Variants in GATA4 observed in about 807,000 individuals in gnomAD.
GATA4 encodes the protein GATA binding protein 4.
Under a neutral mutation model 37.9 loss-of-function variants are expected in GATA4, and 7 were observed. The ratio of observed to expected loss-of-function variants is 0.18; its 90% CI spans 0.11 to 0.35. The LOEUF (loss-of-function observed/expected upper bound fraction) is 0.35, where lower values mean the gene tolerates loss of function less well. Among genes scored for constraint, GATA4 ranks in the 10% least tolerant of loss-of-function variants. The probability of loss-of-function intolerance (pLI) is 1.00; values close to 1 mark genes in which losing one functional copy is unlikely to be tolerated. For missense variants in GATA4, 647 were observed against 653.0 expected (o/e 0.99, Z 0.10); for synonymous variants, 372 against 292.6 (o/e 1.27, Z -2.77).
rs1347150716 is a variant in GATA4, at chr8:11,756,121, TTGAC to T, written c.1001-811_1001-808del. Reference sequence around the variant, plus strand: ...TCAGTACTGCTACCCAGTTAAAGATTTGACTGGTCGGTGCTGCAGTCACAGAGAA... The same window carrying T: ...TCAGTACTGCTACCCAGTTAAAGATTTGGTCGGTGCTGCAGTCACAGAGAA... On this transcript the variant is annotated intron_variant, in intron 5 of 6. Coordinates refer to ENST00000532059, the MANE Select transcript of GATA4 (RefSeq NM_001308093.3). 3.3e-5 allele frequency among the ~76,000 whole-genome samples: 5 copies of T among 152,162 alleles called. No individual in the cohort carries two copies. In the East Asian group the frequency reaches 9.6e-4, roughly 29 times the overall value.
intron 2 of GATA4, among the ~76,000 whole-genome samples, chr8:11,738,931 T>A (rs988958896): frequency 6.6e-6 from 1 of 152,192 alleles, no homozygotes; most frequent in Non-Finnish European, 1.5e-5. Flanking sequence ...GCTCTTCATG[T>A]ACATTCTACC....
rs532538661 is a variant in GATA4, at chr8:11,727,509, A to G, written c.616+18581A>G. On this transcript the variant is annotated intron_variant, in intron 2 of 6. Coordinates refer to ENST00000532059, the MANE Select transcript of GATA4 (RefSeq NM_001308093.3). ...TTGATAAGGAGAGGCACTAGAGTCT[A>G]GTAAGTGGTTAAAGAAGCTGGAGTC... Among the ~76,000 whole-genome samples the G allele has an allele frequency of 2.0e-5, 3 of 152,302 alleles. No individual in the cohort carries two copies. In the East Asian group the frequency reaches 5.8e-4, roughly 29 times the overall value.
intron 1 of GATA4, chr8:11,697,784 G>C: frequency 1.0e-6 from 1 of 985,448 alleles, no homozygotes; most frequent in Non-Finnish European, 1.2e-6. Flanking sequence ...TCCAACTCCG[G>C]GTCACCTCGG....
chr8:11,748,493 AATTTTCCTAAGGTAAATATTTATT>A (rs1478417626), intron 2 of GATA4, among the ~76,000 whole-genome samples: 1 of 152,218 alleles, frequency 6.6e-6, no homozygotes, highest in African/African-American at 2.4e-5. Context: ...TTTTGGCACT[AATTTTCCTAAGGTAAATATTTATT>A]ATATCTTTAT....
intron 1 of GATA4, among the ~76,000 whole-genome samples, chr8:11,704,531 G>C (rs1799804255): frequency 6.6e-6 from 1 of 152,246 alleles, no homozygotes; most frequent in African/African-American, 2.4e-5. Context: ...AATATTGGAA[G>C]CGCCTTTGGA....
In GATA4 at chr8:11,749,078, G is replaced by A. The variant is rs1188422407; in HGVS notation, c.779G>A (p.Arg260His). Residue 260 changes from arginine to histidine, a missense_variant, in exon 3 of 7, where the codon CGC (arginine) becomes CAC (histidine). Physicochemically the swap from Arg to His is conservative, Grantham distance 29. Coordinates refer to ENST00000532059, the MANE Select transcript of GATA4 (RefSeq NM_001308093.3). The surrounding 1 kb of genome is among the most constrained non-coding windows in gnomAD (Gnocchi z 4.6). Reference sequence around the variant, plus strand: ...AACCGGCCGCTCATCAAGCCTCAGCGCCGGCTGGTAAGCACGTGCCTCGCA... The same window carrying A: ...AACCGGCCGCTCATCAAGCCTCAGCACCGGCTGGTAAGCACGTGCCTCGCA... ...GINRPLIKPQRRLSASRRVGL... is the reference protein window; with the variant it reads ...GINRPLIKPQHRLSASRRVGL... The A allele has an allele frequency of 4.3e-6, 7 of 1,614,126 alleles. No homozygotes were observed. The highest frequency in any genetic ancestry group is 1.1e-5 in the South Asian group (1 of 91,084).
chr8:11,758,171 C>G (rs746393535), intron 6 of GATA4, 122 bp from the exon 7 acceptor site: 4 of 920,724 alleles, frequency 4.3e-6, no homozygotes, highest in Non-Finnish European at 7.1e-6. Context: ...CTCCTTGGTC[C>G]CTTCCTGAGG....
chr8:11,711,084 G>A (rs942698180), intron 2 of GATA4, among the ~76,000 whole-genome samples: 7 of 152,198 alleles, frequency 4.6e-5, no homozygotes, highest in Non-Finnish European at 1.0e-4. Context: ...CAGGCCTGGC[G>A]ACAGAGGGAG....
upstream of GATA4, among the ~76,000 whole-genome samples, chr8:11,703,115 C>A (rs1799741125): frequency 6.6e-6 from 1 of 152,122 alleles, no homozygotes; most frequent in Non-Finnish European, 1.5e-5. Flanking sequence ...GTTATCCCGA[C>A]CCCTTCCCCC....
upstream of GATA4, among the ~76,000 whole-genome samples, chr8:11,688,164 G>A (rs1241396283): frequency 6.6e-6 from 1 of 152,102 alleles, no homozygotes; most frequent in Non-Finnish European, 1.5e-5. Flanking sequence ...GAAGCAAATA[G>A]CAGTTCAAGA....
chr8:11,730,058 T>C (rs1287938741), intron 2 of GATA4, among the ~76,000 whole-genome samples: 1 of 152,136 alleles, frequency 6.6e-6, no homozygotes, highest in Non-Finnish European at 1.5e-5. Flanking sequence ...CCTGAGTAGC[T>C]GGAATTACTA....
upstream of GATA4, among the ~76,000 whole-genome samples, chr8:11,699,155 G>C (rs1799593463): frequency 6.6e-6 from 1 of 152,198 alleles, no homozygotes; most frequent in Non-Finnish European, 1.5e-5. Context: ...CCTTTTGGGG[G>C]TGTAGAAGGG....
At chr8:11,694,392 C>T in intron 1 of GATA4, 1 of 701,020 alleles carries the variant, frequency 1.4e-6, no homozygotes. Flanking sequence ...CAAGGCCTTC[C>T]TCTGTAAGGT....
chr8:11,742,062 T>C (rs1801765065), intron 2 of GATA4, among the ~76,000 whole-genome samples: 1 of 152,110 alleles, frequency 6.6e-6, no homozygotes, highest in Admixed American at 6.5e-5. Flanking sequence ...CTTTCCTCCA[T>C]TGCCATCCTC....
intron 2 of GATA4, among the ~76,000 whole-genome samples, chr8:11,726,626 G>C (rs1028067795): frequency 6.6e-6 from 1 of 152,168 alleles, no homozygotes; most frequent in Non-Finnish European, 1.5e-5. Flanking sequence ...AGGGGAGTGG[G>C]GGCGGTGCAG....
chr8:11,742,442 G>C (rs1801794516), intron 2 of GATA4, among the ~76,000 whole-genome samples: 1 of 142,610 alleles, frequency 7.0e-6, no homozygotes, highest in African/African-American at 2.6e-5. Flanking sequence ...TTGTGATTTA[G>C]GAAAAACAAA....
At chr8:11,733,850 C>G (rs1462523676) in intron 2 of GATA4, among the ~76,000 whole-genome samples, 1 of 152,156 alleles carries the variant, frequency 6.6e-6, no homozygotes, top group Non-Finnish European at 1.5e-5. Flanking sequence ...ATGAGACTTG[C>G]TTTGATCAAG....
At chr8:11,690,883 C>T (rs1799290826), upstream of GATA4, among the ~76,000 whole-genome samples, 1 of 152,144 alleles carries the variant, frequency 6.6e-6, no homozygotes, top group Non-Finnish European at 1.5e-5. Flanking sequence ...TCTCTTCAAA[C>T]AAAAAAGGTT....
upstream of GATA4, among the ~76,000 whole-genome samples, chr8:11,699,579 C>A (rs1799604574): frequency 6.6e-6 from 1 of 152,218 alleles, no homozygotes; most frequent in South Asian, 2.1e-4. Flanking sequence ...AGGTTGGCAG[C>A]AGGAAAAGAA....
Sources: allele counts gnomAD v4.1 joint callset (sites outside exome capture counted in the v4.1 genomes callset), GRCh38; gene constraint gnomAD v4.1.1; non-coding constraint Gnocchi (gnomAD v3.1); transcripts MANE v1.5; gene names NCBI Gene and HGNC (gene_info 2026-07-23, HGNC 2026-07-21).